Variants in KCNAB1 observed in about 807,000 individuals in gnomAD.
KCNAB1 encodes the protein voltage-gated potassium channel subunit beta-1.
Under a neutral mutation model 64.6 loss-of-function variants are expected in KCNAB1, and 35 were observed. The ratio of observed to expected loss-of-function variants is 0.54; its 90% CI spans 0.41 to 0.72. The LOEUF is 0.72. Ranked by LOEUF, KCNAB1 falls within the 30% of genes least tolerant of loss-of-function variation. KCNAB1 has a pLI of 0.00. For synonymous variants in KCNAB1, 177 were observed against 183.8 expected (o/e 0.96, Z 0.30); for missense variants, 401 against 512.9 (o/e 0.78, Z 2.11).
intron 1 of KCNAB1, among the ~76,000 whole-genome samples, chr3:156,129,691 G>T (rs1367604897): frequency 6.6e-6 from 1 of 152,106 alleles, no homozygotes; most frequent in Non-Finnish European, 1.5e-5. Context: ...GCATAGGAAG[G>T]GGCCTTCAGC....
chr3:156,489,855 C>T (rs921721096), intron 8 of KCNAB1, among the ~76,000 whole-genome samples: 1 of 152,006 alleles, frequency 6.6e-6, no homozygotes, highest in Non-Finnish European at 1.5e-5. Flanking sequence ...ATGTACCACA[C>T]AACCTCAGGA....
At chr3:156,316,548 G>C (rs1053913478) in intron 1 of KCNAB1, among the ~76,000 whole-genome samples, 2 of 152,238 alleles carry the variant, frequency 1.3e-5, no homozygotes, top group Non-Finnish European at 2.9e-5. Context: ...CACATTCAAA[G>C]TAATTGAGAA....
At position 156,354,120 on chromosome 3, in the gene KCNAB1, GTATA is replaced by G. The variant is rs34730584; in HGVS notation, c.276-67476_276-67473del. Among the ~76,000 whole-genome samples the G allele has an allele frequency of 8.9e-3, 1,180 of 132,504 alleles. 12 individuals are homozygous for G. The highest frequency in any genetic ancestry group is 0.03 in the African/African-American group (1,038 of 34,704). 86.9% of individuals were successfully genotyped at this position (132,504 alleles called of 152,430 possible). A position where few individuals can be genotyped will look rare whatever the true frequency, so the allele number is the denominator to read the frequency against. On this transcript the variant is annotated intron_variant, in intron 1 of 13. Coordinates refer to ENST00000490337, the MANE Select transcript of KCNAB1 (RefSeq NM_172160.3). ...AATATATGTATATATATGTGTGTGT[GTATA>G]TATATATATATATATATATGTGTAT...
chr3:156,499,648 G>T (rs1377484783), intron 8 of KCNAB1, among the ~76,000 whole-genome samples: 1 of 152,122 alleles, frequency 6.6e-6, no homozygotes, highest in African/African-American at 2.4e-5. Context: ...AGTGGGTAGG[G>T]CTGGTTTTAG....
rs60888308 is a variant in KCNAB1, at chr3:156,387,014, C to CTCTTTTTTTTTTTTTTTTTTTT, written c.276-34601_276-34600insCTTTTTTTTTTTTTTTTTTTTT. On this transcript the variant is annotated intron_variant, in intron 1 of 13. Coordinates refer to ENST00000490337, the MANE Select transcript of KCNAB1 (RefSeq NM_172160.3). ...TCTTGCTTGCTTGCTTTCTCTCTCT[C>CTCTTTTTTTTTTTTTTTTTTTT]TTTTTTTTTTTTTTTTTTTTGCCTG... is the stretch of plus-strand genomic sequence containing the variant. 5.1e-4 allele frequency among the ~76,000 whole-genome samples: 46 copies of CTCTTTTTTTTTTTTTTTTTTTT among 90,508 alleles called. 2 individuals are homozygous for CTCTTTTTTTTTTTTTTTTTTTT. The highest frequency in any genetic ancestry group is 1.1e-3 in the African/African-American group (20 of 18,376). The allele number at this position is 90,508 out of a possible 152,430, so 59.4% of individuals were successfully genotyped here.
chr3:156,142,946 A>T (rs1355950581), intron 1 of KCNAB1: 5 of 1,160,264 alleles, frequency 4.3e-6, no homozygotes, highest in Non-Finnish European at 5.3e-6. Context: ...GTGATTGGCC[A>T]CCAAAAGCCT....
chr3:156,424,797 G>A (rs1441738529), intron 2 of KCNAB1, among the ~76,000 whole-genome samples: 1 of 152,136 alleles, frequency 6.6e-6, no homozygotes, highest in Non-Finnish European at 1.5e-5. Flanking sequence ...TGTATGAGGT[G>A]CAGGCATTTT....
intron 1 of KCNAB1, among the ~76,000 whole-genome samples, chr3:156,188,421 TAAA>T: frequency 6.6e-6 from 1 of 152,174 alleles, no homozygotes; most frequent in African/African-American, 2.4e-5. Context: ...CCTGCTTTGT[TAAA>T]AAAAGCCATG....
intron 1 of KCNAB1, chr3:156,176,813 A>T (rs1270642439): frequency 1.3e-5 from 12 of 890,148 alleles, no homozygotes; most frequent in Non-Finnish European, 2.2e-5. Flanking sequence ...GCCCGGCTCC[A>T]GGGCCCGATC....
chr3:156,436,147 C>G (rs1316074893), intron 2 of KCNAB1, among the ~76,000 whole-genome samples: 1 of 152,054 alleles, frequency 6.6e-6, no homozygotes, highest in African/African-American at 2.4e-5. Context: ...TCAACACCTA[C>G]TTATGAGTGA....
intron 1 of KCNAB1, among the ~76,000 whole-genome samples, chr3:156,378,044 A>G (rs772529007): frequency 5.9e-5 from 9 of 152,158 alleles, no homozygotes; most frequent in Admixed American, 1.3e-4. Flanking sequence ...TAATGTGTAT[A>G]TGGACATGCA....
At chr3:156,459,680 G>C (rs1300526163) in intron 4 of KCNAB1, 147 bp from the exon 5 acceptor site, 1 of 562,572 alleles carries the variant, frequency 1.8e-6, no homozygotes, top group East Asian at 3.0e-5. Flanking sequence ...AGAAACAGCG[G>C]AAACTGTGCT....
intron 1 of KCNAB1, among the ~76,000 whole-genome samples, chr3:156,415,609 A>G (rs1343418668): frequency 6.6e-6 from 1 of 151,918 alleles, no homozygotes; most frequent in East Asian, 1.9e-4. Context: ...ACTGCTGCCC[A>G]CTCACTACCT....
At chr3:156,149,091 C>T (rs1029329380) in intron 1 of KCNAB1, among the ~76,000 whole-genome samples, 2 of 152,160 alleles carry the variant, frequency 1.3e-5, no homozygotes, top group Non-Finnish European at 2.9e-5. Flanking sequence ...AGGACTGAAA[C>T]TTCCACCAGC....
chr3:156,253,954 A>G (rs1717966458), intron 1 of KCNAB1, among the ~76,000 whole-genome samples: 1 of 152,164 alleles, frequency 6.6e-6, no homozygotes, highest in African/African-American at 2.4e-5. Context: ...TTTCTGGTTG[A>G]TGAGATGTGA....
intron 12 of KCNAB1, chr3:156,524,154 C>T (rs554866802): frequency 7.6e-5 from 39 of 512,874 alleles, no homozygotes; most frequent in Non-Finnish European, 1.2e-4. Context: ...ACTTCTTTCT[C>T]CTTGCTCTTA....
chr3:156,174,550 C>T (rs950063575), intron 1 of KCNAB1, among the ~76,000 whole-genome samples: 46 of 152,206 alleles, frequency 3.0e-4, no homozygotes, highest in Admixed American at 2.7e-3. Flanking sequence ...GAGCCCTTCC[C>T]TGACACCCTG....
intron 1 of KCNAB1, among the ~76,000 whole-genome samples, chr3:156,179,416 A>ACCC (rs1284524252): frequency 2.1e-4 from 16 of 75,936 alleles, no homozygotes; most frequent in East Asian, 5.6e-4. Context: ...CTGGTTTGGA[A>ACCC]CCCCCCCCCC....
intron 1 of KCNAB1, among the ~76,000 whole-genome samples, chr3:156,165,690 G>A (rs1216480682): frequency 6.6e-6 from 1 of 152,176 alleles, no homozygotes; most frequent in African/African-American, 2.4e-5. Flanking sequence ...AGCAAATGAT[G>A]TTTTGTTATA....
Sources: allele counts gnomAD v4.1 joint callset (sites outside exome capture counted in the v4.1 genomes callset), GRCh38; gene constraint gnomAD v4.1.1; transcripts MANE v1.5; gene names NCBI Gene and HGNC (gene_info 2026-07-23, HGNC 2026-07-21).